The following ARMC6 variants were observed in gnomAD, a reference collection of about 807,000 sequenced individuals.
ARMC6 encodes the protein armadillo repeat containing 6.
ARMC6 carries 43 observed loss-of-function variants against 49.2 expected under a neutral mutation model. The ratio of observed to expected loss-of-function variants is 0.87; its 90% confidence interval spans 0.69 to 1.13. ARMC6 has a LOEUF of 1.13. ARMC6 is among the 50% of genes most tolerant of loss of function. The probability of loss-of-function intolerance (pLI) is 0.00; values close to 1 mark genes in which losing one functional copy is unlikely to be tolerated. For synonymous variants in ARMC6, 262 were observed against 289.6 expected (o/e 0.90, Z 0.97); for missense variants, 627 against 682.0 (o/e 0.92, Z 0.90).
chr19:19,034,375 G>C (rs988736941), intron 2 of ARMC6, 137 bp downstream of exon 2: 3 of 1,132,332 alleles, frequency 2.6e-6, no homozygotes, highest in Non-Finnish European at 3.8e-6. Flanking sequence ...GGAAGGCTTA[G>C]ATAGAGAAGG....
intron 4 of ARMC6, among the ~76,000 whole-genome samples, chr19:19,045,098 C>T (rs1200259191): frequency 1.3e-5 from 2 of 152,166 alleles, no homozygotes; most frequent in Admixed American, 6.5e-5. Flanking sequence ...GCAACTTCCA[C>T]CTCCCAGATT....
In ARMC6 at chr19:19,057,866, T is replaced by TA. The variant is rs1213578719; in HGVS notation, c.*239dup. 5.8e-6 allele frequency: 4 copies of TA among 684,592 alleles called. No individual in the cohort carries two copies. The highest frequency in any genetic ancestry group is 3.1e-5 in the South Asian group (2 of 63,556). The allele number at this position is 684,592 out of a possible 1,614,324, so 42.4% of individuals were successfully genotyped here. On this transcript the variant is annotated 3_prime_UTR_variant, in exon 9 of 9. Coordinates refer to ENST00000535612, the MANE Select transcript of ARMC6 (RefSeq NM_001199196.2). The stretch of plus-strand genomic sequence containing the variant: ...GGGTCCCAGCCAGCAGCACGGATGT[T>TA]ACTGTCCTGCTCCTTCCCCCAGCCC...
intron 4 of ARMC6, 53 bp downstream of exon 4, chr19:19,044,127 A>C: frequency 6.5e-7 from 1 of 1,529,128 alleles, no homozygotes; most frequent in Non-Finnish European, 9.1e-7. Flanking sequence ...GTCTGGGGGC[A>C]CCTCTTCCCT....
Position 19,055,132 on chromosome 19 carries a change from T to TTCTCGTTAGTCACACCCTGC in ARMC6, c.1024-132_1024-113dup. 8.3e-7 allele frequency: 1 copy of TTCTCGTTAGTCACACCCTGC among 1,211,418 alleles called. No homozygotes were observed. The highest frequency in any genetic ancestry group is 1.1e-6 in the Non-Finnish European group (1 of 896,982). 75.0% of individuals were successfully genotyped at this position (1,211,418 alleles called of 1,614,324 possible). On this transcript the variant is annotated intron_variant, in intron 6 of 8. Coordinates refer to ENST00000535612, the MANE Select transcript of ARMC6 (RefSeq NM_001199196.2). This position sits in a 1 kb window ranked among gnomAD's most constrained non-coding sequence, Gnocchi z 5.7. ...CTGAGCCACAGGCATCTGCCACCCC[T>TTCTCGTTAGTCACACCCTGC]TCTCGTTAGTCACACCCTGCAGTCA...
intron 3 of ARMC6, among the ~76,000 whole-genome samples, chr19:19,043,774 T>C (rs1018455170): frequency 3.9e-5 from 6 of 152,074 alleles, no homozygotes; most frequent in African/African-American, 1.2e-4. Flanking sequence ...TCACTACCAC[T>C]CTGCTCCCTT....
chr19:19,039,510 C>G (rs1323287708), intron 2 of ARMC6: 1 of 334,994 alleles, frequency 3.0e-6, no homozygotes, highest in Non-Finnish European at 6.1e-6. Flanking sequence ...TTTCATCACC[C>G]AGAAGGAAAC....
At position 19,040,366 on chromosome 19, in the gene ARMC6, C is replaced by T. The variant is rs1357251761; in HGVS notation, c.30-2345C>T. Among the ~76,000 whole-genome samples the T allele has an allele frequency of 5.3e-5, 8 of 152,246 alleles. No individual in the cohort carries two copies. The East Asian group carries it at 1.5e-3, about 29-fold the overall frequency. On this transcript the variant is annotated intron_variant, in intron 2 of 8. Transcript: ENST00000535612. ...AGCTGGAATCGGAAGCAGAACTTTT[C>T]CTCATCCTCTTTTTATAACCTGGGA...
At chr19:19,039,724 C>T (rs1015518637) in intron 2 of ARMC6, among the ~76,000 whole-genome samples, 1 of 152,234 alleles carries the variant, frequency 6.6e-6, no homozygotes, top group African/African-American at 2.4e-5. Context: ...TTCAGCACCT[C>T]ATTCCTTTCT....
At position 19,051,876 on chromosome 19, in the gene ARMC6, G is replaced by A; in HGVS notation, c.534G>A (p.Leu178=). 1 of 1,614,164 alleles carries A rather than the reference G, an allele frequency of 6.2e-7. No homozygotes were observed. Among genetic ancestry groups the A allele is most frequent in the Admixed American group, 1.7e-5 (1 of 60,026 alleles). ...GQPDLLDAQG[L]QLLVATLTQN... is the part of the protein sequence containing the mutation. ...CAGACCTCCTGGATGCCCAGGGCCT[G>A]CAGCTCCTAGTGGCCACGCTGACCC... Residue 178 remains leucine (L), a synonymous_variant, in exon 5 of 9, where the codon CTG becomes CTA. Coordinates refer to ENST00000535612, the MANE Select transcript of ARMC6 (RefSeq NM_001199196.2).
At chr19:19,043,728 C>T (rs902807407) in intron 3 of ARMC6, among the ~76,000 whole-genome samples, 3 of 152,158 alleles carry the variant, frequency 2.0e-5, no homozygotes, top group Non-Finnish European at 1.5e-5. Flanking sequence ...ACTGCACAGA[C>T]GTGGCCTGTG....
chr19:19,043,024 C>T (rs374770902), intron 3 of ARMC6, 147 bp downstream of exon 3: 66 of 998,164 alleles, frequency 6.6e-5, no homozygotes, highest in Admixed American at 9.8e-5. Flanking sequence ...AGCTTCTGCC[C>T]GAGGCAGGCT....
intron 3 of ARMC6, 29 bp from the exon 4 acceptor site, chr19:19,043,961 CCT>C (rs1353825741): frequency 1.3e-6 from 2 of 1,597,064 alleles, no homozygotes; most frequent in Admixed American, 1.7e-5. Context: ...CTTTCTGACC[CCT>C]GTGTGCTTGC....
At chr19:19,043,359 A>T (rs1021641987) in intron 3 of ARMC6, among the ~76,000 whole-genome samples, 7 of 152,178 alleles carry the variant, frequency 4.6e-5, no homozygotes, top group Non-Finnish European at 5.9e-5. Flanking sequence ...AGGGAGCAGG[A>T]GTCCTGGGCA....
intron 2 of ARMC6, among the ~76,000 whole-genome samples, chr19:19,036,609 T>C (rs1009305390): frequency 1.3e-5 from 2 of 152,212 alleles, no homozygotes; most frequent in African/African-American, 4.8e-5. Context: ...TATATTACTC[T>C]TCCTTCACCT....
At chr19:19,056,372 C>G (rs2059545038) in intron 8 of ARMC6, among the ~76,000 whole-genome samples, 1 of 151,768 alleles carries the variant, frequency 6.6e-6, no homozygotes, top group South Asian at 2.1e-4. Context: ...AGCGATTCTC[C>G]TGTCTCAGTC....
At chr19:19,044,769 T>C (rs1162778610) in intron 4 of ARMC6, among the ~76,000 whole-genome samples, 2 of 152,100 alleles carry the variant, frequency 1.3e-5, no homozygotes, top group African/African-American at 2.4e-5. Context: ...GATGGGGACA[T>C]TGAGATCCAA....
rs571298955 is a variant in ARMC6, at chr19:19,044,057, A to G, written c.262A>G (p.Thr88Ala). 7 of 1,614,034 alleles carry G rather than the reference A, an allele frequency of 4.3e-6. No homozygotes were observed. In the African/African-American group the frequency reaches 5.3e-5, roughly 12 times the overall value. ...KVSADGSQEP[T>A]HDILQMLSDL... ...CTCTGCAGACGGATCCCAGGAGCCC[A>G]CACATGACATCCTGCAGGTAGGAGT... The change falls in exon 4 of 9, where the codon ACA (threonine) becomes GCA (alanine). Residue 88 changes from threonine (T) to alanine (A), a missense_variant. By Grantham distance (58) the Thr-to-Ala change is moderately conservative. Transcript: ENST00000535612.
At chr19:19,037,540 T>C (rs574433379) in intron 2 of ARMC6, 87 of 714,314 alleles carry the variant, frequency 1.2e-4, no homozygotes, top group Admixed American at 7.4e-4. Context: ...CTAATTTTGG[T>C]ATTTTTTATA....
chr19:19,036,522 C>T (rs1211034915), intron 2 of ARMC6, among the ~76,000 whole-genome samples: 1 of 152,146 alleles, frequency 6.6e-6, no homozygotes, highest in Non-Finnish European at 1.5e-5. Flanking sequence ...ATCTTGAGGG[C>T]CACAAGGAAT....
Sources: allele counts gnomAD v4.1 joint callset (sites outside exome capture counted in the v4.1 genomes callset), GRCh38; gene constraint gnomAD v4.1.1; non-coding constraint Gnocchi (gnomAD v3.1); transcripts MANE v1.5; gene names NCBI Gene and HGNC (gene_info 2026-07-23, HGNC 2026-07-21).